The following SLC30A8 variants were observed in gnomAD, a reference collection of about 807,000 sequenced individuals.
SLC30A8 encodes solute carrier family 30 member 8.
In SLC30A8, 27 loss-of-function variants were observed where a neutral mutation model predicts 36.9. The observed-to-expected ratio is 0.73, with a 90% CI of 0.54 to 1.01. SLC30A8 has a LOEUF of 1.01. Ranked by LOEUF, SLC30A8 falls within the 50% of genes least tolerant of loss-of-function variation. The probability of loss-of-function intolerance (pLI) is 0.00; values close to 1 mark genes in which losing one functional copy is unlikely to be tolerated. For missense variants in SLC30A8, 439 were observed against 452.0 expected (o/e 0.97, Z 0.26); for synonymous variants, 164 against 172.4 (o/e 0.95, Z 0.38).
At chr8:117,035,656 C>T (rs921411147) in intron 1 of SLC30A8, among the ~76,000 whole-genome samples, 1 of 152,250 alleles carries the variant, frequency 6.6e-6, no homozygotes, top group East Asian at 1.9e-4. Flanking sequence ...ACACATTTCC[C>T]TTTCACACTG....
Position 117,135,372 on chromosome 8 carries a change from C to A in SLC30A8, c.45C>A (p.Ala15=). The part of the protein sequence containing the change: ...ERTYLVNDKA[A]KMYAFTLESV... ...CGTATCTTGTGAATGATAAAGCTGC[C>A]AAGATGTATGCTTTCACACTAGAAA... Residue 15 remains alanine (A), a synonymous_variant, in exon 1 of 8, where the codon GCC becomes GCA. Coordinates refer to ENST00000456015, the MANE Select transcript of SLC30A8 (RefSeq NM_173851.3). The A allele has an allele frequency of 6.2e-7, 1 of 1,600,916 alleles. No individual in the cohort carries two copies. The highest frequency in any genetic ancestry group is 2.2e-5 in the East Asian group (1 of 44,596).
intron 2 of SLC30A8, among the ~76,000 whole-genome samples, chr8:117,091,750 C>G (rs1819137551): frequency 6.6e-6 from 1 of 152,104 alleles, no homozygotes; most frequent in African/African-American, 2.4e-5. Flanking sequence ...ATATATGTGG[C>G]TTACCTTATA....
At chr8:117,127,484 T>C (rs1406937898) in intron 2 of SLC30A8, among the ~76,000 whole-genome samples, 3 of 152,050 alleles carry the variant, frequency 2.0e-5, no homozygotes, top group Non-Finnish European at 4.4e-5. Context: ...TTGTGCTCTG[T>C]CATTGTCTCT....
At chr8:116,996,655 T>A (rs1195912219) in intron 1 of SLC30A8, among the ~76,000 whole-genome samples, 2 of 152,108 alleles carry the variant, frequency 1.3e-5, no homozygotes, top group African/African-American at 2.4e-5. Context: ...CGTGTAGGGC[T>A]TATAGGTCAT....
At chr8:117,130,061 T>C (rs1420264704), upstream of SLC30A8, 1 of 151,940 alleles carries the variant, frequency 6.6e-6, no homozygotes, top group Admixed American at 6.6e-5. Flanking sequence ...CTGATGGTAG[T>C]GGTGAGATTT....
intron 2 of SLC30A8, among the ~76,000 whole-genome samples, chr8:117,121,116 T>C (rs940277728): frequency 1.3e-5 from 2 of 151,828 alleles, no homozygotes; most frequent in Non-Finnish European, 2.9e-5. Flanking sequence ...AATAGAACAA[T>C]GGGATCCAGC....
intron 6 of SLC30A8, among the ~76,000 whole-genome samples, chr8:117,167,502 C>T (rs866510524): frequency 0.12 from 17,422 of 139,628 alleles, 1,701 homozygotes; most frequent in East Asian, 0.24. Context: ...TACATACATA[C>T]ATGTATATGT....
chr8:116,957,664 G>C (rs1456533011), intron 1 of SLC30A8, among the ~76,000 whole-genome samples: 1 of 152,174 alleles, frequency 6.6e-6, no homozygotes, highest in East Asian at 1.9e-4. Context: ...CTCAAAACTA[G>C]GGGACTGTCT....
intron 1 of SLC30A8, among the ~76,000 whole-genome samples, chr8:117,138,925 A>G (rs1256452749): frequency 6.6e-6 from 1 of 152,024 alleles, no homozygotes; most frequent in African/African-American, 2.4e-5. Context: ...GACTGATGAT[A>G]CATAAGCTGG....
At chr8:116,968,224 C>T (rs188001190) in intron 1 of SLC30A8, among the ~76,000 whole-genome samples, 1 of 151,650 alleles carries the variant, frequency 6.6e-6, no homozygotes, top group East Asian at 1.9e-4. Context: ...ACAAATAATC[C>T]CCAGATTTTA....
intron 1 of SLC30A8, among the ~76,000 whole-genome samples, chr8:116,976,852 C>G (rs13250326): frequency 0.75 from 104,648 of 139,898 alleles, 38,737 homozygotes; most frequent in Non-Finnish European, 0.77. Flanking sequence ...GAGTCTCTCT[C>G]TGTTGCCAGG....
intron 1 of SLC30A8, among the ~76,000 whole-genome samples, chr8:116,997,758 G>A (rs1257218651): frequency 3.3e-5 from 5 of 152,152 alleles, no homozygotes; most frequent in Non-Finnish European, 5.9e-5. Flanking sequence ...CAAGGCTTGC[G>A]AAGTTATTGG....
intron 1 of SLC30A8, among the ~76,000 whole-genome samples, chr8:117,006,128 T>A (rs1563744472): frequency 6.6e-6 from 1 of 152,232 alleles, no homozygotes; most frequent in African/African-American, 2.4e-5. Context: ...CCACTTAAGC[T>A]ACCTTATATA....
At chr8:117,165,862 G>A (rs989425515) in intron 6 of SLC30A8, among the ~76,000 whole-genome samples, 8 of 152,196 alleles carry the variant, frequency 5.3e-5, no homozygotes, top group Non-Finnish European at 1.0e-4. Flanking sequence ...ATTATGCTAA[G>A]TAAAATCAGC....
At chr8:117,168,274 T>C (rs1189766444) in intron 6 of SLC30A8, among the ~76,000 whole-genome samples, 1 of 152,150 alleles carries the variant, frequency 6.6e-6, no homozygotes, top group Non-Finnish European at 1.5e-5. Flanking sequence ...CAACAGCATA[T>C]GAAAGTGCCC....
intron 1 of SLC30A8, among the ~76,000 whole-genome samples, chr8:117,038,041 GA>G (rs1313803344): frequency 2.0e-5 from 3 of 152,018 alleles, no homozygotes; most frequent in East Asian, 1.9e-4. Context: ...CTAGGGTAAT[GA>G]AAAAAATGGA....
chr8:117,147,191 A>G, intron 2 of SLC30A8, 38 bp downstream of exon 2: 1 of 1,575,102 alleles, frequency 6.3e-7, no homozygotes, highest in Non-Finnish European at 8.7e-7. Flanking sequence ...TAAACAACCA[A>G]ACAAAACTCT....
intron 1 of SLC30A8, among the ~76,000 whole-genome samples, chr8:116,956,288 G>A (rs149787030): frequency 6.6e-6 from 1 of 152,252 alleles, no homozygotes; most frequent in Non-Finnish European, 1.5e-5. Context: ...CAAGGGACAG[G>A]CTGAAAATAG....
intron 3 of SLC30A8, among the ~76,000 whole-genome samples, chr8:117,154,587 A>G (rs1455871414): frequency 6.6e-6 from 1 of 152,220 alleles, no homozygotes; most frequent in Non-Finnish European, 1.5e-5. Context: ...CTTCCCTTTA[A>G]CATTCAGGAG....
Sources: gnomAD v4.1 joint callset for allele counts (sites outside exome capture counted in the v4.1 genomes callset) on GRCh38, gnomAD v4.1.1 for gene constraint, MANE v1.5 for transcripts, NCBI Gene and HGNC (gene_info 2026-07-23, HGNC 2026-07-21) for gene names.